Variants in IQSEC3 observed in about 807,000 individuals in gnomAD.
IQSEC3 encodes the protein IQ motif and SEC7 domain-containing protein 3.
A neutral mutation model predicts 105.4 loss-of-function variants in IQSEC3; 50 were observed. That is an observed-to-expected ratio of 0.47 (90% CI 0.38 to 0.60). IQSEC3 has a LOEUF of 0.60. IQSEC3 is among the 20% of genes least tolerant of loss of function. The pLI is 0.00. For synonymous variants in IQSEC3, 708 were observed against 746.0 expected, an observed-to-expected ratio of 0.95 and a Z score of 0.83; for missense variants, 1,415 against 1,630.0, an observed-to-expected ratio of 0.87 and a Z score of 2.27.
chr12:156,855 T>A lies in IQSEC3; in HGVS notation c.2154-170T>A, dbSNP rs142808089. Among the ~76,000 whole-genome samples the A allele has an allele frequency of 5.3e-3, 811 of 152,234 alleles. 6 individuals carry two copies. Among genetic ancestry groups the A allele is most frequent in the Middle Eastern group, 0.024 (7 of 294 alleles). Reference sequence around the variant, plus strand: ...GGTTTGGGTTCCGAAAGGGCTACTGTGGCAGGTGGGAGGAGATGGTCCTCT... The same window carrying A: ...GGTTTGGGTTCCGAAAGGGCTACTGAGGCAGGTGGGAGGAGATGGTCCTCT... On this transcript the variant is annotated intron_variant, in intron 5 of 13. Coordinates refer to ENST00000538872, the MANE Select transcript of IQSEC3 (RefSeq NM_001170738.2).
At chr12:154,653 G>A (rs530358203) in intron 5 of IQSEC3, among the ~76,000 whole-genome samples, 4 of 152,088 alleles carry the variant, frequency 2.6e-5, no homozygotes, top group South Asian at 4.1e-4. Flanking sequence ...GCTCCATGCC[G>A]CCCCCACCAC....
chr12:84,932 T>C (rs1555071657), intron 1 of IQSEC3, among the ~76,000 whole-genome samples: 1 of 151,770 alleles, frequency 6.6e-6, no homozygotes. Flanking sequence ...GGTCAGGGGG[T>C]ACAGTGAGAA....
chr12:160,098 C>T (rs12368721), intron 7 of IQSEC3, among the ~76,000 whole-genome samples: 5,983 of 151,964 alleles, frequency 0.039, 179 homozygotes, highest in Middle Eastern at 0.061. Context: ...TCTCCCATCT[C>T]GGTGAAGATG....
intron 5 of IQSEC3, among the ~76,000 whole-genome samples, chr12:150,689 A>G (rs1866472476): frequency 6.6e-6 from 1 of 152,234 alleles, no homozygotes. Flanking sequence ...GGCCGTGACA[A>G]GAGAAGTGTT....
chr12:102,328 G>A (rs1809943898), intron 2 of IQSEC3, among the ~76,000 whole-genome samples: 1 of 152,210 alleles, frequency 6.6e-6, no homozygotes, highest in Non-Finnish European at 1.5e-5. Flanking sequence ...CCCCAGTAAG[G>A]AATCCAAAGT....
intron 7 of IQSEC3, among the ~76,000 whole-genome samples, chr12:159,253 T>A (rs6489272): frequency 6.6e-6 from 1 of 152,080 alleles, no homozygotes; most frequent in Admixed American, 6.5e-5. Flanking sequence ...CCTCTCCATA[T>A]GTCCAGACCT....
rs34973828 is a variant in IQSEC3, at chr12:104,559, T to TAA, written c.623+5354_623+5355dup. Among the ~76,000 whole-genome samples, 131 of 150,420 alleles carry TAA rather than the reference T, an allele frequency of 8.7e-4. No individual in the cohort carries two copies. The East Asian group carries it at 0.018, about 20-fold the overall frequency. ...TTTTACGTCCTTCCCACGCCCATTTTAAAAAAAAAAGATTTTGTAGTCTGC... is the reference window on the plus strand; with the variant it reads ...TTTTACGTCCTTCCCACGCCCATTTTAAAAAAAAAAAAGATTTTGTAGTCTGC... On this transcript the variant is annotated intron_variant, in intron 2 of 13. Coordinates refer to ENST00000538872, the MANE Select transcript of IQSEC3 (RefSeq NM_001170738.2).
At chr12:145,258 T>G (rs1381405248) in intron 5 of IQSEC3, among the ~76,000 whole-genome samples, 2 of 152,226 alleles carry the variant, frequency 1.3e-5, no homozygotes, top group Non-Finnish European at 2.9e-5. Flanking sequence ...GTAAGTTATC[T>G]GTAAATGTTA....
At chr12:139,490 C>A in intron 4 of IQSEC3, 136 bp downstream of exon 4, 1 of 632,262 alleles carries the variant, frequency 1.6e-6, no homozygotes, top group Non-Finnish European at 2.7e-6. Flanking sequence ...GCAGGCGCAT[C>A]TGTGCCGTGC....
At chr12:79,951 C>T (rs1162562249) in intron 1 of IQSEC3, among the ~76,000 whole-genome samples, 1 of 152,156 alleles carries the variant, frequency 6.6e-6, no homozygotes, top group Non-Finnish European at 1.5e-5. Context: ...GTTTTGTTCC[C>T]TAATAATGTA....
At chr12:107,482 T>C (rs1864702416) in intron 2 of IQSEC3, among the ~76,000 whole-genome samples, 1 of 136,312 alleles carries the variant, frequency 7.3e-6, no homozygotes, top group African/African-American at 2.7e-5. Context: ...CAATCTCGGC[T>C]CACTGCAAGC....
Position 169,121 on chromosome 12 carries a change from G to C in IQSEC3, c.3064+16G>C. On this transcript the variant is annotated intron_variant, in intron 12 of 13. Coordinates refer to ENST00000538872, the MANE Select transcript of IQSEC3 (RefSeq NM_001170738.2). ...TCGCCGACAGGTGAGCCTCGGCTCC[G>C]CTCAGGGCACCAGTCCCCATGGAGG... is the stretch of plus-strand genomic sequence containing the variant. 1 of 1,611,154 alleles carries C rather than the reference G, an allele frequency of 6.2e-7. No individual in the cohort carries two copies. Among genetic ancestry groups the C allele is most frequent in the Non-Finnish European group, 8.5e-7 (1 of 1,178,124 alleles).
intron 1 of IQSEC3, among the ~76,000 whole-genome samples, chr12:69,872 T>C (rs1425803504): frequency 1.3e-5 from 2 of 152,256 alleles, no homozygotes; most frequent in Non-Finnish European, 2.9e-5. Flanking sequence ...CTGCCCATAG[T>C]TGTCTATGAT....
intron 13 of IQSEC3, among the ~76,000 whole-genome samples, chr12:173,728 T>A (rs1173038087): frequency 2.0e-5 from 3 of 152,086 alleles, no homozygotes; most frequent in Non-Finnish European, 4.4e-5. Context: ...GGTGGAACGG[T>A]GTGAGGAGTT....
intron 2 of IQSEC3, among the ~76,000 whole-genome samples, chr12:101,267 G>A (rs544766440): frequency 8.9e-4 from 136 of 152,342 alleles, no homozygotes; most frequent in Admixed American, 3.5e-3. Context: ...GAGTGGGAGA[G>A]AGGCGGCCCC....
In IQSEC3 at chr12:74,542, A is replaced by G. The variant is rs1863444537; in HGVS notation, c.554+7106A>G. On this transcript the variant is annotated intron_variant, in intron 1 of 13. Coordinates refer to ENST00000538872, the MANE Select transcript of IQSEC3 (RefSeq NM_001170738.2). Reference sequence around the variant, plus strand: ...AATAAGGGATCTGGGAGGGTTATGTAACTCTTCAAGACTGGTGTGCGTGCT... The same window carrying G: ...AATAAGGGATCTGGGAGGGTTATGTGACTCTTCAAGACTGGTGTGCGTGCT... Among the ~76,000 whole-genome samples the G allele has an allele frequency of 2.0e-5, 3 of 152,390 alleles. No individual in the cohort carries two copies. The South Asian group carries it at 6.2e-4, about 32-fold the overall frequency.
chr12:102,264 G>A (rs1245012378), intron 2 of IQSEC3, among the ~76,000 whole-genome samples: 7 of 152,160 alleles, frequency 4.6e-5, no homozygotes, highest in Admixed American at 4.6e-4. Context: ...TCAGCCAGTA[G>A]GAATCATGGC....
intron 2 of IQSEC3, 55 bp downstream of exon 2, chr12:99,269 A>G (rs1864343740): frequency 2.0e-6 from 3 of 1,511,442 alleles, no homozygotes; most frequent in East Asian, 2.3e-5. Flanking sequence ...TCCTGTTACA[A>G]CAAAGCACGT....
At chr12:89,801 T>C (rs1199281480) in intron 1 of IQSEC3, among the ~76,000 whole-genome samples, 2 of 152,256 alleles carry the variant, frequency 1.3e-5, no homozygotes, top group East Asian at 3.8e-4. Flanking sequence ...TGCTGAATAG[T>C]ATTACATTGA....
Sources: allele counts gnomAD v4.1 joint callset (sites outside exome capture counted in the v4.1 genomes callset), GRCh38; gene constraint gnomAD v4.1.1; transcripts MANE v1.5; gene names NCBI Gene and HGNC (gene_info 2026-07-23, HGNC 2026-07-21).